The following CNTN4 variants were observed in gnomAD, a reference collection of about 807,000 sequenced individuals.
CNTN4 encodes the protein contactin 4.
CNTN4 carries 77 observed loss-of-function variants against 122.5 expected under a neutral mutation model. The observed-to-expected ratio is 0.63, with a 90% CI of 0.52 to 0.76. The LOEUF is 0.76. CNTN4 is among the 30% of genes least tolerant of loss of function. The probability of loss-of-function intolerance (pLI) is 0.00; values close to 1 mark genes in which losing one functional copy is unlikely to be tolerated. For synonymous variants in CNTN4, 512 were observed against 447.0 expected (o/e 1.15, Z -1.83); for missense variants, 1,256 against 1,259.1 (o/e 1.00, Z 0.04).
intron 2 of CNTN4, among the ~76,000 whole-genome samples, chr3:2,144,819 G>C (rs1023532391): frequency 6.6e-6 from 1 of 152,182 alleles, no homozygotes; most frequent in Admixed American, 6.5e-5. Flanking sequence ...CTTCTTAAGA[G>C]AAAAATCTGC....
rs755783590 is a variant in CNTN4 at position 2,819,594 on chromosome 3, G to T, written c.454+13G>T. 6.4e-7 allele frequency: 1 copy of T among 1,563,718 alleles called. No individual in the cohort carries two copies. Among genetic ancestry groups the T allele is most frequent in the Admixed American group, 1.7e-5 (1 of 59,962 alleles). The stretch of plus-strand genomic sequence containing the variant: ...CCCCATTCTGGAGGTACATATAAAT[G>T]AACTGACATATGCATGCTTCACTCT... On this transcript the variant is annotated intron_variant, in intron 7 of 24. Transcript: ENST00000418658.
At chr3:3,031,797 A>G (rs547104358) in intron 16 of CNTN4, among the ~76,000 whole-genome samples, 1 of 152,350 alleles carries the variant, frequency 6.6e-6, no homozygotes, top group African/African-American at 2.4e-5. Context: ...ATAATATCTT[A>G]GCTAGAATCT....
chr3:2,176,274 T>A (rs936715642), intron 2 of CNTN4, among the ~76,000 whole-genome samples: 3 of 152,122 alleles, frequency 2.0e-5, no homozygotes, highest in Admixed American at 6.6e-5. Flanking sequence ...TCTACCACTG[T>A]CCCGGTAAGG....
intron 4 of CNTN4, among the ~76,000 whole-genome samples, chr3:2,682,057 G>A (rs1401131910): frequency 2.0e-5 from 3 of 152,074 alleles, no homozygotes; most frequent in African/African-American, 4.8e-5. Flanking sequence ...AATATGAATC[G>A]TTATCCATTC....
intron 14 of CNTN4, among the ~76,000 whole-genome samples, chr3:2,994,226 A>T (rs1018246282): frequency 6.6e-6 from 1 of 151,256 alleles, no homozygotes; most frequent in Non-Finnish European, 1.5e-5. Context: ...TCTAATAGCA[A>T]TTTTTTTTTA....
chr3:2,266,141 T>G (rs1364177205), intron 2 of CNTN4, among the ~76,000 whole-genome samples: 2 of 152,088 alleles, frequency 1.3e-5, no homozygotes, highest in East Asian at 3.9e-4. Flanking sequence ...TGTCTTGTTC[T>G]AGATCTTACT....
chr3:2,546,317 A>G (rs1376940499), intron 3 of CNTN4, among the ~76,000 whole-genome samples: 1 of 139,460 alleles, frequency 7.2e-6, no homozygotes, highest in Non-Finnish European at 1.6e-5. Context: ...ATAGAATACT[A>G]TGCAGCCAAA....
chr3:2,775,649 G>A (rs1053686174), intron 6 of CNTN4, among the ~76,000 whole-genome samples: 1 of 152,050 alleles, frequency 6.6e-6, no homozygotes, highest in African/African-American at 2.4e-5. Context: ...TTGAATTGCT[G>A]GCCTCAAGTG....
intron 2 of CNTN4, among the ~76,000 whole-genome samples, chr3:2,197,328 A>T (rs2037891009): frequency 6.6e-6 from 1 of 152,116 alleles, no homozygotes; most frequent in Admixed American, 6.5e-5. Flanking sequence ...TTTTCTTTTC[A>T]TTCTTTCTTG....
At position 2,821,604 on chromosome 3, in the gene CNTN4, C is replaced by G. The variant is rs1289595589; in HGVS notation, c.454+2023C>G. ...TGCCCTGGAAAATATCATAATTTTA[C>G]TAGTAAGGGAGAACATGGAGAGATG... is the stretch of plus-strand genomic sequence containing the variant. On this transcript the variant is annotated intron_variant, in intron 7 of 24. Coordinates refer to ENST00000418658, the MANE Select transcript of CNTN4 (RefSeq NM_175607.3). Among the ~76,000 whole-genome samples, 12 of 152,212 alleles carry G rather than the reference C, an allele frequency of 7.9e-5. No individual in the cohort carries two copies. In the South Asian group the frequency reaches 2.5e-3, roughly 32 times the overall value.
chr3:2,718,470 C>G (rs114607106), intron 4 of CNTN4, among the ~76,000 whole-genome samples: 1 of 152,080 alleles, frequency 6.6e-6, no homozygotes, highest in Admixed American at 6.6e-5. Flanking sequence ...GGATGCTTTT[C>G]GTGTCAAGAT....
At chr3:3,048,288 G>A (rs1295179341) in intron 23 of CNTN4, among the ~76,000 whole-genome samples, 2 of 152,020 alleles carry the variant, frequency 1.3e-5, no homozygotes, top group African/African-American at 2.4e-5. Flanking sequence ...AAACAATACA[G>A]TATAACAACT....
Position 2,732,626 on chromosome 3 carries a change from T to C in CNTN4, c.56-3589T>C, listed in dbSNP as rs73009844. Among the ~76,000 whole-genome samples the C allele has an allele frequency of 6.0e-3, 914 of 152,268 alleles. 7 individuals are homozygous for C. The highest frequency in any genetic ancestry group is 9.0e-3 in the Non-Finnish European group (611 of 68,016). On this transcript the variant is annotated intron_variant, in intron 4 of 24. Coordinates refer to ENST00000418658, the MANE Select transcript of CNTN4 (RefSeq NM_175607.3). ...GCTGCCACACAGAGATAGAACAAAC[T>C]TAGGGATGCCTCTCCCCCTGTTTCA... is the stretch of plus-strand genomic sequence containing the variant.
intron 6 of CNTN4, among the ~76,000 whole-genome samples, chr3:2,783,208 G>A (rs2091678096): frequency 6.6e-6 from 1 of 151,986 alleles, no homozygotes; most frequent in Non-Finnish European, 1.5e-5. Flanking sequence ...AGGATCACTT[G>A]AGCCCAGCAG....
At chr3:2,929,961 C>T (rs753728661) in intron 13 of CNTN4, among the ~76,000 whole-genome samples, 33 of 152,306 alleles carry the variant, frequency 2.2e-4, no homozygotes, top group Non-Finnish European at 4.0e-4. Context: ...GCAGGGATCC[C>T]CACAATGGCT....
At chr3:2,799,683 C>T (rs1576838694) in intron 6 of CNTN4, among the ~76,000 whole-genome samples, 5 of 152,152 alleles carry the variant, frequency 3.3e-5, no homozygotes, top group East Asian at 1.9e-4. Flanking sequence ...AGGCTGGCCT[C>T]AAACTCCTAT....
chr3:2,559,341 A>G (rs868823343), intron 3 of CNTN4, among the ~76,000 whole-genome samples: 3 of 152,182 alleles, frequency 2.0e-5, no homozygotes, highest in African/African-American at 7.2e-5. Flanking sequence ...TGTCAGTACT[A>G]TCAGCCCTGA....
intron 6 of CNTN4, among the ~76,000 whole-genome samples, chr3:2,779,089 G>A (rs1340315223): frequency 6.6e-6 from 1 of 152,168 alleles, no homozygotes; most frequent in African/African-American, 2.4e-5. Flanking sequence ...AGCTGACAAT[G>A]AAAGCATTTT....
chr3:2,445,578 A>T (rs2048596579), intron 3 of CNTN4, among the ~76,000 whole-genome samples: 1 of 152,164 alleles, frequency 6.6e-6, no homozygotes, highest in Admixed American at 6.6e-5. Flanking sequence ...CTTTGCTTGA[A>T]TTATCCCTAA....
Sources: gnomAD v4.1 joint callset for allele counts (sites outside exome capture counted in the v4.1 genomes callset) on GRCh38, gnomAD v4.1.1 for gene constraint, MANE v1.5 for transcripts, NCBI Gene and HGNC (gene_info 2026-07-23, HGNC 2026-07-21) for gene names.